Variants in RBMS3 observed in about 807,000 individuals in gnomAD.
The protein encoded by RBMS3 is RNA binding motif single stranded interacting protein 3, also known as RNA-binding motif, single-stranded-interacting protein 3.
In RBMS3, 27 loss-of-function variants were observed where a neutral mutation model predicts 66.8. The observed-to-expected ratio is 0.40, with a 90% CI of 0.30 to 0.56. The LOEUF (loss-of-function observed/expected upper bound fraction) is 0.56, where lower values mean the gene tolerates loss of function less well. RBMS3 is among the 20% of genes least tolerant of loss of function. RBMS3 has a pLI of 0.40. For missense variants in RBMS3, 513 were observed against 549.5 expected (o/e 0.93, Z 0.66); for synonymous variants, 188 against 183.0 (o/e 1.03, Z -0.22).
At chr3:29,505,932 G>A (rs1263092087) in intron 3 of RBMS3, among the ~76,000 whole-genome samples, 1 of 151,614 alleles carries the variant, frequency 6.6e-6, no homozygotes, top group East Asian at 1.9e-4. Context: ...TTTTTATCCA[G>A]CAATTTTACT....
intron 12 of RBMS3, among the ~76,000 whole-genome samples, chr3:29,956,517 C>A (rs1410670779): frequency 6.6e-6 from 1 of 152,070 alleles, no homozygotes; most frequent in Non-Finnish European, 1.5e-5. Flanking sequence ...CTAAATAAGT[C>A]TTTAAGTAAG....
At chr3:29,545,605 A>G (rs2149020798) in intron 3 of RBMS3, among the ~76,000 whole-genome samples, 1 of 152,334 alleles carries the variant, frequency 6.6e-6, no homozygotes, top group East Asian at 1.9e-4. Flanking sequence ...CAAATTATTC[A>G]AAAAAGAAAT....
intron 4 of RBMS3, among the ~76,000 whole-genome samples, chr3:29,702,101 CA>C (rs2052626424): frequency 6.6e-6 from 1 of 152,160 alleles, no homozygotes; most frequent in Non-Finnish European, 1.5e-5. Flanking sequence ...GTAAACACAC[CA>C]ATCAGCACCC....
intron 4 of RBMS3, among the ~76,000 whole-genome samples, chr3:29,644,280 G>A (rs936805771): frequency 2.0e-5 from 3 of 152,152 alleles, no homozygotes; most frequent in Non-Finnish European, 2.9e-5. Context: ...TTAAATTGTC[G>A]TGTTACAATT....
rs192146428 is a variant in RBMS3, at chr3:29,291,779, G to A, written c.75+10023G>A. 2.8e-3 allele frequency among the ~76,000 whole-genome samples: 421 copies of A among 151,710 alleles called. 2 individuals are homozygous for A. The highest frequency in any genetic ancestry group is 0.014 in the Middle Eastern group (4 of 294). On this transcript the variant is annotated intron_variant, in intron 1 of 14. Transcript: ENST00000383767. The stretch of plus-strand genomic sequence containing the variant: ...TCTCTCTCAGCCCTAGAGAATCTAC[G>A]TGCCTTTTAAAGAACACATGTCTCT...
chr3:29,787,500 C>T (rs1435593835), intron 6 of RBMS3, among the ~76,000 whole-genome samples: 2 of 152,014 alleles, frequency 1.3e-5, no homozygotes, highest in African/African-American at 4.8e-5. Flanking sequence ...TACAACTCAG[C>T]CATAAAAAGG....
chr3:29,470,826 T>A (rs2042699424), intron 2 of RBMS3, among the ~76,000 whole-genome samples: 1 of 151,658 alleles, frequency 6.6e-6, no homozygotes, highest in African/African-American at 2.4e-5. Context: ...CTTATCACAA[T>A]CAATCAATAA....
chr3:29,346,497 G>A (rs181850659), intron 1 of RBMS3, among the ~76,000 whole-genome samples: 2 of 140,952 alleles, frequency 1.4e-5, no homozygotes, highest in East Asian at 2.2e-4. Context: ...TCCGCCTCCC[G>A]GGTTCAAGTG....
intron 6 of RBMS3, among the ~76,000 whole-genome samples, chr3:29,858,798 T>C (rs1276263961): frequency 6.6e-6 from 1 of 152,226 alleles, no homozygotes; most frequent in Admixed American, 6.5e-5. Flanking sequence ...ATCAGAGAAT[T>C]GTTACAATTT....
At chr3:29,529,579 T>G (rs1239455962) in intron 3 of RBMS3, among the ~76,000 whole-genome samples, 3 of 152,186 alleles carry the variant, frequency 2.0e-5, no homozygotes, top group Admixed American at 2.0e-4. Context: ...ATAGAGTATA[T>G]ATATCCCATA....
intron 4 of RBMS3, chr3:29,731,106 C>T: frequency 2.4e-6 from 2 of 825,508 alleles, no homozygotes; most frequent in Middle Eastern, 6.2e-4. Context: ...GAAATAAAAG[C>T]CAGCCCAAGC....
intron 5 of RBMS3, among the ~76,000 whole-genome samples, chr3:29,749,886 T>G (rs2055095909): frequency 6.6e-6 from 1 of 152,204 alleles, no homozygotes; most frequent in Non-Finnish European, 1.5e-5. Flanking sequence ...TTATTGAACT[T>G]ATGCAAATAA....
intron 3 of RBMS3, among the ~76,000 whole-genome samples, chr3:29,491,630 G>A (rs1559407210): frequency 6.6e-6 from 1 of 152,160 alleles, no homozygotes; most frequent in African/African-American, 2.4e-5. Context: ...AGGAAGAGAG[G>A]GAAGGAGGAA....
intron 3 of RBMS3, among the ~76,000 whole-genome samples, chr3:29,515,591 T>C (rs984791579): frequency 6.6e-6 from 1 of 152,152 alleles, no homozygotes; most frequent in Non-Finnish European, 1.5e-5. Flanking sequence ...GTGCTAATAA[T>C]AGAAAGAATG....
At chr3:29,863,208 A>G (rs560712147) in intron 6 of RBMS3, among the ~76,000 whole-genome samples, 3 of 138,226 alleles carry the variant, frequency 2.2e-5, no homozygotes, top group Non-Finnish European at 4.6e-5. Context: ...CAAACACCGG[A>G]GCCTGTTGTG....
chr3:29,695,171 G>A (rs755791904), intron 4 of RBMS3, among the ~76,000 whole-genome samples: 5 of 151,544 alleles, frequency 3.3e-5, no homozygotes, highest in South Asian at 2.1e-4. Context: ...TTAGGATCTC[G>A]CAGACTATCT....
At chr3:29,971,000 CTT>C (rs1697193638) in intron 12 of RBMS3, among the ~76,000 whole-genome samples, 2 of 152,140 alleles carry the variant, frequency 1.3e-5, no homozygotes, top group African/African-American at 4.8e-5. Context: ...GGTTTTCTCT[CTT>C]CCCATCTTTC....
At chr3:29,472,003 T>C (rs374005943) in intron 2 of RBMS3, among the ~76,000 whole-genome samples, 3 of 152,038 alleles carry the variant, frequency 2.0e-5, no homozygotes, top group Non-Finnish European at 2.9e-5. Context: ...CTAGAAAACA[T>C]TGTTAGCTTC....
chr3:29,641,570 C>A (rs957082955), intron 4 of RBMS3, among the ~76,000 whole-genome samples: 4 of 152,032 alleles, frequency 2.6e-5, no homozygotes, highest in East Asian at 1.9e-4. Context: ...ACTTTTTAAA[C>A]AATAGATACA....
Sources: gnomAD v4.1 joint callset for allele counts (sites outside exome capture counted in the v4.1 genomes callset) on GRCh38, gnomAD v4.1.1 for gene constraint, MANE v1.5 for transcripts, NCBI Gene and HGNC (gene_info 2026-07-23, HGNC 2026-07-21) for gene names.